Variants in SYT16 observed in about 807,000 individuals in gnomAD.
SYT16 encodes the protein synaptotagmin 16, also known as synaptotagmin-16.
A neutral mutation model predicts 61.4 loss-of-function variants in SYT16; 42 were observed. The ratio of observed to expected loss-of-function variants is 0.68; its 90% confidence interval spans 0.53 to 0.89. The LOEUF (loss-of-function observed/expected upper bound fraction) is 0.89, where lower values mean the gene tolerates loss of function less well. Ranked by LOEUF, SYT16 falls within the 40% of genes least tolerant of loss-of-function variation. SYT16 has a pLI of 0.00. For synonymous variants in SYT16, 314 were observed against 302.3 expected, an observed-to-expected ratio of 1.04 and a Z score of -0.40; for missense variants, 804 against 807.3, an observed-to-expected ratio of 1.00 and a Z score of 0.05.
At chr14:61,824,111 CT>C (rs2045700043) in intron 1 of SYT16, among the ~76,000 whole-genome samples, 1 of 152,106 alleles carries the variant, frequency 6.6e-6, no homozygotes, top group Admixed American at 6.6e-5. Flanking sequence ...AAAAAGGGTT[CT>C]TTTCAGCACT....
chr14:61,945,664 G>C (rs1594977085), intron 1 of SYT16, among the ~76,000 whole-genome samples: 2 of 151,910 alleles, frequency 1.3e-5, no homozygotes, highest in East Asian at 3.9e-4. Flanking sequence ...GACCATCCTG[G>C]CTAACACAGT....
At chr14:61,946,835 A>G (rs1054005652) in intron 1 of SYT16, among the ~76,000 whole-genome samples, 1 of 152,194 alleles carries the variant, frequency 6.6e-6, no homozygotes, top group African/African-American at 2.4e-5. Flanking sequence ...AATTGTTTAG[A>G]TTACAGAAAA....
intron 1 of SYT16, among the ~76,000 whole-genome samples, chr14:61,911,683 C>A (rs2048940926): frequency 6.6e-6 from 1 of 152,146 alleles, no homozygotes; most frequent in Non-Finnish European, 1.5e-5. Context: ...ACAAAAACAC[C>A]TTAGCAACAG....
intron 1 of SYT16, chr14:61,865,144 A>G (rs1212752854): frequency 1.6e-5 from 20 of 1,255,708 alleles, no homozygotes; most frequent in Non-Finnish European, 2.3e-5. Flanking sequence ...CCACCGATAA[A>G]TGCCGCTCCC....
chr14:62,016,497 T>A (rs1566766865), intron 3 of SYT16, among the ~76,000 whole-genome samples: 3 of 145,706 alleles, frequency 2.1e-5, no homozygotes, highest in Admixed American at 7.0e-5. Flanking sequence ...TTTGAGACCA[T>A]CTTGGCTAAC....
intron 3 of SYT16, among the ~76,000 whole-genome samples, chr14:62,061,324 TA>T (rs1566809638): frequency 6.6e-6 from 1 of 152,040 alleles, no homozygotes; most frequent in Non-Finnish European, 1.5e-5. Context: ...CATAAAGTAG[TA>T]AGAGCAACTG....
intron 5 of SYT16, among the ~76,000 whole-genome samples, chr14:62,076,104 C>T (rs1255190417): frequency 1.3e-5 from 2 of 152,132 alleles, no homozygotes; most frequent in Non-Finnish European, 2.9e-5. Flanking sequence ...ATGGTAGTAG[C>T]TACCATTTAT....
chr14:62,023,685 A>G (rs922062922), intron 3 of SYT16, among the ~76,000 whole-genome samples: 30 of 152,130 alleles, frequency 2.0e-4, no homozygotes. Flanking sequence ...TACCTGTGCC[A>G]GTTGTTCTTG....
At chr14:62,051,799 AGGCAGGT>A (rs995431720) in intron 3 of SYT16, among the ~76,000 whole-genome samples, 1 of 152,170 alleles carries the variant, frequency 6.6e-6, no homozygotes, top group Non-Finnish European at 1.5e-5. Flanking sequence ...TGGGAGGCCA[AGGCAGGT>A]GGATCACCTA....
intron 1 of SYT16, among the ~76,000 whole-genome samples, chr14:61,914,429 C>T (rs1012191148): frequency 1.3e-5 from 2 of 152,156 alleles, no homozygotes; most frequent in African/African-American, 2.4e-5. Flanking sequence ...ATTTTTATCT[C>T]CAGTGTTGAC....
chr14:62,045,473 T>C (rs2054933637), intron 3 of SYT16, among the ~76,000 whole-genome samples: 1 of 152,080 alleles, frequency 6.6e-6, no homozygotes, highest in Admixed American at 6.6e-5. Flanking sequence ...TTATTATACT[T>C]TAAGTTTTAG....
Position 61,865,313 on chromosome 14 carries a change from C to T in SYT16, c.-325+52503C>T, listed in dbSNP as rs141696212. ...ACACATCCCTCTGAACGCAGGGATGCGGAGAGCCTGAAGCTCTTAGGAGAA... is the reference window on the plus strand; with the variant it reads ...ACACATCCCTCTGAACGCAGGGATGTGGAGAGCCTGAAGCTCTTAGGAGAA... On this transcript the variant is annotated intron_variant, in intron 1 of 7. Coordinates refer to ENST00000683842, the MANE Select transcript of SYT16 (RefSeq NM_001367656.1). 162 of 724,000 alleles carry T rather than the reference C, an allele frequency of 2.2e-4. 2 individuals carry two copies. The African/African-American group carries it at 2.4e-3, about 11-fold the overall frequency. The allele number at this position is 724,000 out of a possible 1,614,324, so 44.8% of individuals were successfully genotyped here.
chr14:62,060,138 C>G (rs1377046138), intron 3 of SYT16, among the ~76,000 whole-genome samples: 1 of 152,010 alleles, frequency 6.6e-6, no homozygotes, highest in African/African-American at 2.4e-5. Context: ...GTCTACTTGT[C>G]AAACTTGACA....
At chr14:61,957,913 G>A (rs372967547) in intron 1 of SYT16, among the ~76,000 whole-genome samples, 1 of 151,870 alleles carries the variant, frequency 6.6e-6, no homozygotes, top group South Asian at 2.1e-4. Flanking sequence ...AACTTATGAA[G>A]CCATCTTGTC....
At chr14:62,087,813 A>G (rs1185033395) in intron 7 of SYT16, among the ~76,000 whole-genome samples, 1 of 152,194 alleles carries the variant, frequency 6.6e-6, no homozygotes, top group Admixed American at 6.5e-5. Context: ...AGCCACTGAG[A>G]TAGAAACCCC....
rs539528794 is a variant in SYT16 at position 62,016,486 on chromosome 14, G to A, written c.523+19944G>A. On this transcript the variant is annotated intron_variant, in intron 3 of 7. Transcript: ENST00000683842. The stretch of plus-strand genomic sequence containing the variant: ...AGGCGGGCAGATCACAAGGTCAGGA[G>A]TTTGAGACCATCTTGGCTAACACGG... Among the ~76,000 whole-genome samples, 3 of 145,850 alleles carry A rather than the reference G, an allele frequency of 2.1e-5. No homozygotes were observed. In the South Asian group the frequency reaches 6.6e-4, roughly 32 times the overall value.
chr14:62,051,103 C>G lies in SYT16; in HGVS notation c.524-18500C>G, dbSNP rs1039166076. On this transcript the variant is annotated intron_variant, in intron 3 of 7. Coordinates refer to ENST00000683842, the MANE Select transcript of SYT16 (RefSeq NM_001367656.1). ...ACAGAGGCAGGCAGGCCTCCTTGAG[C>G]TGTGGTGGGCTCCACCCAGTTCGAG... Among the ~76,000 whole-genome samples, 9 of 152,366 alleles carry G rather than the reference C, an allele frequency of 5.9e-5. No individual in the cohort carries two copies. The East Asian group carries it at 1.7e-3, about 29-fold the overall frequency.
chr14:62,054,758 G>A (rs192975224), intron 3 of SYT16, among the ~76,000 whole-genome samples: 2 of 152,270 alleles, frequency 1.3e-5, no homozygotes, highest in Admixed American at 1.3e-4. Flanking sequence ...GTTTATAACT[G>A]CCTTATAGAA....
At chr14:61,901,744 A>T (rs1055332560) in intron 1 of SYT16, among the ~76,000 whole-genome samples, 9 of 142,832 alleles carry the variant, frequency 6.3e-5, no homozygotes, top group African/African-American at 2.5e-4. Context: ...ATCTGCTTAT[A>T]ATAATAATAA....
Sources: allele counts gnomAD v4.1 joint callset (sites outside exome capture counted in the v4.1 genomes callset), GRCh38; gene constraint gnomAD v4.1.1; transcripts MANE v1.5; gene names NCBI Gene and HGNC (gene_info 2026-07-23, HGNC 2026-07-21).